The following UBE2E2 variants were observed in gnomAD, a reference collection of about 807,000 sequenced individuals.
The protein encoded by UBE2E2 is ubiquitin-conjugating enzyme E2 E2.
Under a neutral mutation model 24.7 loss-of-function variants are expected in UBE2E2, and 6 were observed. The ratio of observed to expected loss-of-function variants is 0.24; its 90% confidence interval spans 0.13 to 0.48. The LOEUF (loss-of-function observed/expected upper bound fraction) is 0.48, where lower values mean the gene tolerates loss of function less well. Ranked by LOEUF, UBE2E2 falls within the 20% of genes least tolerant of loss-of-function variation. The pLI is 0.99. For missense variants in UBE2E2, 169 were observed against 245.0 expected, an observed-to-expected ratio of 0.69 and a Z score of 2.07; for synonymous variants, 104 against 83.6, an observed-to-expected ratio of 1.24 and a Z score of -1.33.
At chr3:23,355,983 C>G (rs1057361943) in intron 3 of UBE2E2, among the ~76,000 whole-genome samples, 2 of 152,226 alleles carry the variant, frequency 1.3e-5, no homozygotes, top group Middle Eastern at 3.2e-3. Flanking sequence ...CAGCTATCAA[C>G]TGATTGAATT....
At chr3:23,563,971 A>AAAG (rs1559423260) in intron 5 of UBE2E2, among the ~76,000 whole-genome samples, 3 of 149,730 alleles carry the variant, frequency 2.0e-5, no homozygotes, top group South Asian at 4.2e-4. Context: ...TTCCAAAAAC[A>AAAG]AAAGAAAGAA....
chr3:23,567,178 A>G (rs904567404), intron 5 of UBE2E2, among the ~76,000 whole-genome samples: 1 of 152,344 alleles, frequency 6.6e-6, no homozygotes, highest in South Asian at 2.1e-4. Context: ...CAAGGTTCAC[A>G]ATATGCTTCC....
At chr3:23,343,644 GCTC>G (rs1695465415) in intron 3 of UBE2E2, among the ~76,000 whole-genome samples, 1 of 152,164 alleles carries the variant, frequency 6.6e-6, no homozygotes, top group African/African-American at 2.4e-5. Flanking sequence ...TATGTGGCAT[GCTC>G]CTCAAGTGAA....
At chr3:23,427,575 C>G (rs1053282877) in intron 3 of UBE2E2, among the ~76,000 whole-genome samples, 1 of 152,192 alleles carries the variant, frequency 6.6e-6, no homozygotes, top group African/African-American at 2.4e-5. Context: ...TTTGAATGAT[C>G]AGTTTGAATA....
At chr3:23,494,191 A>G (rs529031405) in intron 3 of UBE2E2, among the ~76,000 whole-genome samples, 1 of 152,322 alleles carries the variant, frequency 6.6e-6, no homozygotes, top group African/African-American at 2.4e-5. Flanking sequence ...TTAAAAGATT[A>G]AAAGATTTCT....
At chr3:23,397,860 C>T (rs575363125) in intron 3 of UBE2E2, among the ~76,000 whole-genome samples, 2 of 152,090 alleles carry the variant, frequency 1.3e-5, no homozygotes, top group East Asian at 1.9e-4. Context: ...TTGTTACTTT[C>T]GTTCAGTTGA....
intron 3 of UBE2E2, among the ~76,000 whole-genome samples, chr3:23,345,452 G>C (rs1200873900): frequency 1.3e-5 from 2 of 152,126 alleles, no homozygotes; most frequent in African/African-American, 4.8e-5. Context: ...ACCATAAGTG[G>C]TTTAAAATAT....
rs1699087469 is a variant in UBE2E2 at position 23,474,496 on chromosome 3, A to G, written c.228-25112A>G. Among the ~76,000 whole-genome samples, 1 of 152,118 alleles carries G rather than the reference A, an allele frequency of 6.6e-6. No individual in the cohort carries two copies. Among genetic ancestry groups the G allele is most frequent in the African/African-American group, 2.4e-5 (1 of 41,342 alleles). On this transcript the variant is annotated intron_variant, in intron 3 of 5. Coordinates refer to ENST00000396703, the MANE Select transcript of UBE2E2 (RefSeq NM_152653.4). The surrounding 1 kb of genome is among the most constrained non-coding windows in gnomAD (Gnocchi z 4.0). ...CATTTCTAATAATCTATCACAAAAA[A>G]ATCATAGAATTATAATGTATAATTT...
chr3:23,306,040 G>A (rs1339557019), intron 3 of UBE2E2, among the ~76,000 whole-genome samples: 2 of 152,132 alleles, frequency 1.3e-5, no homozygotes, highest in African/African-American at 4.8e-5. Flanking sequence ...ATTATCCTTA[G>A]ATGAACCTTT....
chr3:23,219,126 G>A (rs752328320), intron 3 of UBE2E2, among the ~76,000 whole-genome samples: 8 of 152,300 alleles, frequency 5.3e-5, no homozygotes, highest in South Asian at 4.1e-4. Flanking sequence ...TAGCTGATAA[G>A]TTTGCTTTAG....
chr3:23,224,626 G>C (rs1182490768), intron 3 of UBE2E2, among the ~76,000 whole-genome samples: 1 of 151,816 alleles, frequency 6.6e-6, no homozygotes. Flanking sequence ...TTCCTTTACA[G>C]TTTGGATGCC....
intron 3 of UBE2E2, among the ~76,000 whole-genome samples, chr3:23,465,665 C>T (rs955748493): frequency 6.6e-6 from 1 of 152,204 alleles, no homozygotes; most frequent in African/African-American, 2.4e-5. Flanking sequence ...ATCAGATCTA[C>T]AGAACCCTGT....
At chr3:23,292,221 C>T (rs2125249493) in intron 3 of UBE2E2, among the ~76,000 whole-genome samples, 1 of 152,272 alleles carries the variant, frequency 6.6e-6, no homozygotes, top group Non-Finnish European at 1.5e-5. Context: ...AAGCAGTCTT[C>T]TTGTGTCAGT....
intron 3 of UBE2E2, among the ~76,000 whole-genome samples, chr3:23,313,461 T>C (rs931420381): frequency 6.8e-6 from 1 of 147,020 alleles, no homozygotes; most frequent in Non-Finnish European, 1.5e-5. Flanking sequence ...CTCAGCTTAC[T>C]GTAACCTCTG....
At chr3:23,473,661 A>G (rs966202196) in intron 3 of UBE2E2, among the ~76,000 whole-genome samples, 1 of 152,038 alleles carries the variant, frequency 6.6e-6, no homozygotes, top group Admixed American at 6.5e-5. Flanking sequence ...CTTATCTCTC[A>G]CTTAAGAGTG....
rs964209305 is a variant in UBE2E2 at position 23,204,377 on chromosome 3, G to T, written c.-9+913G>T. Among the ~76,000 whole-genome samples the T allele has an allele frequency of 2.0e-5, 3 of 152,166 alleles. No individual in the cohort carries two copies. The East Asian group carries it at 5.8e-4, about 29-fold the overall frequency. On this transcript the variant is annotated intron_variant, in intron 1 of 5. Transcript: ENST00000396703. ...GCATGTTTTCAAGATTCATCGTTTT[G>T]TATTGTGTATTCTTGAGAGTCTACT...
chr3:23,295,931 CTA>C, intron 3 of UBE2E2, among the ~76,000 whole-genome samples: 1 of 152,296 alleles, frequency 6.6e-6, no homozygotes, highest in Non-Finnish European at 1.5e-5. Context: ...TGGTTAGAAA[CTA>C]TTTTTTAAAC....
intron 3 of UBE2E2, among the ~76,000 whole-genome samples, chr3:23,269,224 C>A (rs770803687): frequency 6.6e-6 from 1 of 152,024 alleles, no homozygotes; most frequent in African/African-American, 2.4e-5. Flanking sequence ...AACTAAAGAA[C>A]TTCTGCACAG....
chr3:23,368,714 C>T (rs1319792718), intron 3 of UBE2E2, among the ~76,000 whole-genome samples: 1 of 151,942 alleles, frequency 6.6e-6, no homozygotes, highest in East Asian at 1.9e-4. Flanking sequence ...CACAAATACT[C>T]CTTCTTCAGC....
Sources: gnomAD v4.1 joint callset for allele counts (sites outside exome capture counted in the v4.1 genomes callset) on GRCh38, gnomAD v4.1.1 for gene constraint, Gnocchi (gnomAD v3.1) non-coding constraint, MANE v1.5 for transcripts, NCBI Gene and HGNC (gene_info 2026-07-23, HGNC 2026-07-21) for gene names.